Variants in FSTL5 observed in about 807,000 individuals in gnomAD.
The protein encoded by FSTL5 is follistatin like 5.
FSTL5 carries 62 observed loss-of-function variants against 89.1 expected under a neutral mutation model. The ratio of observed to expected loss-of-function variants is 0.70; its 90% CI spans 0.57 to 0.86. The LOEUF is 0.86. FSTL5 is among the 40% of genes least tolerant of loss of function. The pLI, the probability that FSTL5 is intolerant of heterozygous loss-of-function variation, is 0.00. For missense variants in FSTL5, 1,057 were observed against 1,001.6 expected (o/e 1.06, Z -0.75); for synonymous variants, 383 against 346.2 (o/e 1.11, Z -1.18).
intron 2 of FSTL5, among the ~76,000 whole-genome samples, chr4:162,092,398 A>G (rs1223533799): frequency 6.6e-6 from 1 of 152,320 alleles, no homozygotes; most frequent in South Asian, 2.1e-4. Context: ...ATGTTTAACC[A>G]TGAGGATACT....
intron 6 of FSTL5, among the ~76,000 whole-genome samples, chr4:161,729,664 A>G (rs1219826359): frequency 6.6e-6 from 1 of 152,232 alleles, no homozygotes; most frequent in Non-Finnish European, 1.5e-5. Context: ...GAAAAATATG[A>G]AAGACACTAC....
At chr4:161,532,021 G>T (rs922444999) in intron 10 of FSTL5, among the ~76,000 whole-genome samples, 1 of 151,954 alleles carries the variant, frequency 6.6e-6, no homozygotes, top group African/African-American at 2.4e-5. Flanking sequence ...TGGTTAACAT[G>T]GTGAAACCCC....
At chr4:161,516,062 A>AAT (rs1024133423) in intron 10 of FSTL5, among the ~76,000 whole-genome samples, 4 of 149,616 alleles carry the variant, frequency 2.7e-5, no homozygotes, top group East Asian at 1.9e-4. Flanking sequence ...ACTAAATGTG[A>AAT]ATATATATAT....
At chr4:162,037,151 A>G (rs1166363297) in intron 2 of FSTL5, among the ~76,000 whole-genome samples, 1 of 151,902 alleles carries the variant, frequency 6.6e-6, no homozygotes, top group African/African-American at 2.4e-5. Context: ...AAGAGACAGC[A>G]TGACTGATTG....
chr4:161,647,734 G>C (rs1394625941), intron 7 of FSTL5, among the ~76,000 whole-genome samples: 5 of 152,216 alleles, frequency 3.3e-5, no homozygotes, highest in Middle Eastern at 3.4e-3. Flanking sequence ...GAAGGGAAGC[G>C]CTGGGTAGAA....
intron 2 of FSTL5, among the ~76,000 whole-genome samples, chr4:162,066,957 A>G (rs1213326839): frequency 6.6e-6 from 1 of 151,988 alleles, no homozygotes; most frequent in Non-Finnish European, 1.5e-5. Context: ...CAGTAATGGG[A>G]TTGCTGGGTC....
At chr4:161,449,224 C>T (rs2126386881) in intron 15 of FSTL5, among the ~76,000 whole-genome samples, 1 of 152,190 alleles carries the variant, frequency 6.6e-6, no homozygotes, top group East Asian at 1.9e-4. Context: ...TACACACACA[C>T]CCTCCCAAGT....
chr4:161,714,010 T>C (rs1738891469), intron 6 of FSTL5, among the ~76,000 whole-genome samples: 2 of 152,250 alleles, frequency 1.3e-5, no homozygotes, highest in South Asian at 4.1e-4. Context: ...AAACCTATTA[T>C]ATTTGTAGAT....
intron 2 of FSTL5, among the ~76,000 whole-genome samples, chr4:162,076,572 T>C (rs1370939979): frequency 6.6e-6 from 1 of 151,912 alleles, no homozygotes; most frequent in Non-Finnish European, 1.5e-5. Flanking sequence ...TATGATTACA[T>C]AGATTACCAT....
intron 4 of FSTL5, among the ~76,000 whole-genome samples, chr4:161,877,241 A>C (rs1431491): frequency 1.3e-5 from 2 of 149,292 alleles, no homozygotes; most frequent in Non-Finnish European, 3.0e-5. Context: ...AAAATTACTA[A>C]GATATAGTAA....
chr4:161,517,469 C>T (rs560166212), intron 10 of FSTL5, among the ~76,000 whole-genome samples: 8 of 152,028 alleles, frequency 5.3e-5, no homozygotes, highest in Non-Finnish European at 1.0e-4. Context: ...GGAATAGATG[C>T]CTGACAGGAG....
chr4:161,430,209 A>G (rs78755482), intron 15 of FSTL5, among the ~76,000 whole-genome samples: 5,076 of 152,124 alleles, frequency 0.033, 278 homozygotes, highest in African/African-American at 0.12. Context: ...AAAAAGAAAA[A>G]AAAATGAAAA....
intron 2 of FSTL5, among the ~76,000 whole-genome samples, chr4:162,065,984 T>C (rs971087952): frequency 6.6e-6 from 1 of 152,070 alleles, no homozygotes; most frequent in Non-Finnish European, 1.5e-5. Context: ...AATATGTATA[T>C]ATAAAGTACA....
intron 1 of FSTL5, among the ~76,000 whole-genome samples, chr4:162,119,074 T>C (rs1731758106): frequency 6.6e-6 from 1 of 151,982 alleles, no homozygotes; most frequent in South Asian, 2.1e-4. Flanking sequence ...ATATTAAAAT[T>C]AGCCAGAAAT....
At chr4:161,860,133 A>G (rs1044908749) in intron 4 of FSTL5, among the ~76,000 whole-genome samples, 6 of 151,926 alleles carry the variant, frequency 3.9e-5, no homozygotes, top group Non-Finnish European at 8.8e-5. Context: ...CTAAAAATAC[A>G]AAAAATTAGC....
intron 3 of FSTL5, among the ~76,000 whole-genome samples, chr4:161,929,809 G>C (rs138122883): frequency 5.3e-4 from 81 of 151,686 alleles, no homozygotes; most frequent in African/African-American, 1.8e-3. Flanking sequence ...AGGGGTGACA[G>C]TGAGTCCCAG....
chr4:161,476,894 C>T (rs1238163685), intron 13 of FSTL5, among the ~76,000 whole-genome samples: 1 of 152,128 alleles, frequency 6.6e-6, no homozygotes, highest in Non-Finnish European at 1.5e-5. Context: ...ATGTAAAGGA[C>T]AGCATCATTT....
intron 15 of FSTL5, among the ~76,000 whole-genome samples, chr4:161,421,790 TG>T (rs1173640795): frequency 6.6e-6 from 1 of 152,194 alleles, no homozygotes; most frequent in African/African-American, 2.4e-5. Context: ...CCTGACTGCA[TG>T]AGCTGGGGCA....
chr4:161,593,274 T>C (rs928856318), intron 7 of FSTL5, among the ~76,000 whole-genome samples: 1 of 152,096 alleles, frequency 6.6e-6, no homozygotes, highest in African/African-American at 2.4e-5. Context: ...TAAAATAGGA[T>C]AGTATCCACT....
Sources: gnomAD v4.1 joint callset for allele counts (sites outside exome capture counted in the v4.1 genomes callset) on GRCh38, gnomAD v4.1.1 for gene constraint, MANE v1.5 for transcripts, NCBI Gene and HGNC (gene_info 2026-07-23, HGNC 2026-07-21) for gene names.